The following CNTN1 variants were observed in gnomAD, a reference collection of about 807,000 sequenced individuals.
CNTN1 encodes contactin 1.
In CNTN1, 38 loss-of-function variants were observed where a neutral mutation model predicts 126.4. The ratio of observed to expected loss-of-function variants is 0.30; its 90% CI spans 0.23 to 0.39. The LOEUF is 0.39. Ranked by LOEUF, CNTN1 falls within the 10% of genes least tolerant of loss-of-function variation. CNTN1 has a pLI of 1.00. For missense variants in CNTN1, 1,009 were observed against 1,248.4 expected, an observed-to-expected ratio of 0.81 and a Z score of 2.89; for synonymous variants, 413 against 422.6, an observed-to-expected ratio of 0.98 and a Z score of 0.28.
Position 40,820,254 on chromosome 12 carries a change from G to A in CNTN1, c.-76-88103G>A, listed in dbSNP as rs138027874. On this transcript the variant is annotated intron_variant, in intron 1 of 23. Coordinates refer to ENST00000551295, the MANE Select transcript of CNTN1 (RefSeq NM_001843.4). ...GGGAACTAATTCACTCACCTCTGAT[G>A]GAGGGCATTACTCTATTCCTGAGGT... Among the ~76,000 whole-genome samples the A allele has an allele frequency of 2.6e-3, 396 of 152,264 alleles. 1 individual carries two copies. Among genetic ancestry groups the A allele is most frequent in the Middle Eastern group, 6.8e-3 (2 of 294 alleles).
intron 1 of CNTN1, among the ~76,000 whole-genome samples, chr12:40,694,654 T>C (rs1028863984): frequency 5.9e-5 from 9 of 152,222 alleles, no homozygotes; most frequent in Non-Finnish European, 1.3e-4. Context: ...TAATTCTGTG[T>C]TTTAAGAACA....
At chr12:40,712,039 C>A (rs1399374700) in intron 1 of CNTN1, among the ~76,000 whole-genome samples, 1 of 152,102 alleles carries the variant, frequency 6.6e-6, no homozygotes. Flanking sequence ...TTTAAACATT[C>A]ATCTATGCTT....
intron 1 of CNTN1, among the ~76,000 whole-genome samples, chr12:40,809,814 T>TCACA (rs3223354): frequency 0.037 from 5,481 of 146,776 alleles, 183 homozygotes; most frequent in African/African-American, 0.088. Flanking sequence ...AGACTCTGTC[T>TCACA]CACACACACA....
At chr12:41,063,268 C>T (rs565860560) in intron 23 of CNTN1, among the ~76,000 whole-genome samples, 32 of 152,288 alleles carry the variant, frequency 2.1e-4, no homozygotes, top group Admixed American at 1.9e-3. Flanking sequence ...TAGCTAAAAG[C>T]TGAGAAAGGC....
At chr12:40,706,799 G>T (rs1340804245) in intron 1 of CNTN1, among the ~76,000 whole-genome samples, 1 of 152,074 alleles carries the variant, frequency 6.6e-6, no homozygotes, top group Non-Finnish European at 1.5e-5. Flanking sequence ...TAAGGCACTG[G>T]CTGTTCTCAA....
At chr12:40,893,643 TTC>T (rs1204774621) in intron 1 of CNTN1, among the ~76,000 whole-genome samples, 1 of 152,122 alleles carries the variant, frequency 6.6e-6, no homozygotes, top group Non-Finnish European at 1.5e-5. Context: ...CTTATTTTGT[TTC>T]TTTTAGTTAG....
At chr12:40,861,480 G>T (rs184485469) in intron 1 of CNTN1, among the ~76,000 whole-genome samples, 3 of 151,994 alleles carry the variant, frequency 2.0e-5, no homozygotes, top group African/African-American at 7.2e-5. Flanking sequence ...AAGAAAATAA[G>T]TGTAAGTAAT....
rs573955059 is a variant in CNTN1, at chr12:40,815,464, G to A, written c.-76-92893G>A. ...GGCTGTCTGCTTGCCTATTGTAGGT[G>A]TAAAGGAATGCTTGTGATTTTTGCA... is the stretch of plus-strand genomic sequence containing the variant. On this transcript the variant is annotated intron_variant, in intron 1 of 23. Coordinates refer to ENST00000551295, the MANE Select transcript of CNTN1 (RefSeq NM_001843.4). Among the ~76,000 whole-genome samples the A allele has an allele frequency of 3.3e-5, 5 of 152,226 alleles. No individual in the cohort carries two copies. In the South Asian group the frequency reaches 8.3e-4, roughly 25 times the overall value.
intron 1 of CNTN1, among the ~76,000 whole-genome samples, chr12:40,703,752 G>T (rs1029415829): frequency 6.6e-6 from 1 of 151,024 alleles, no homozygotes; most frequent in Admixed American, 6.7e-5. Context: ...AAGAAGTGAC[G>T]TGAATAATAT....
chr12:40,762,668 T>C (rs145102685), intron 1 of CNTN1, among the ~76,000 whole-genome samples: 1 of 152,316 alleles, frequency 6.6e-6, no homozygotes, highest in Admixed American at 6.5e-5. Context: ...GTTTGAATCT[T>C]CACTCATGCA....
chr12:41,003,779 G>A (rs538917426), intron 17 of CNTN1, among the ~76,000 whole-genome samples: 11 of 152,098 alleles, frequency 7.2e-5, no homozygotes, highest in South Asian at 2.1e-4. Flanking sequence ...TTATATTTCC[G>A]TGGGGTAAGT....
intron 23 of CNTN1, chr12:41,061,987 C>T (rs973691420): frequency 4.3e-6 from 1 of 233,590 alleles, no homozygotes; most frequent in Non-Finnish European, 8.7e-6. Context: ...GCAAAATAAG[C>T]AAGCTGATAC....
chr12:40,744,994 A>T (rs1299250842), intron 1 of CNTN1, among the ~76,000 whole-genome samples: 1 of 151,958 alleles, frequency 6.6e-6, no homozygotes, highest in Non-Finnish European at 1.5e-5. Context: ...GCAATGTATA[A>T]TCTGCTTCAT....
At chr12:40,762,474 C>A (rs993302824) in intron 1 of CNTN1, among the ~76,000 whole-genome samples, 1 of 151,936 alleles carries the variant, frequency 6.6e-6, no homozygotes, top group African/African-American at 2.4e-5. Flanking sequence ...CAGAACTTAT[C>A]CAAAATAACA....
chr12:41,016,355 C>T (rs931369837), intron 18 of CNTN1, among the ~76,000 whole-genome samples: 23 of 152,042 alleles, frequency 1.5e-4, no homozygotes, highest in Non-Finnish European at 2.9e-4. Context: ...GAGAAAACGT[C>T]GAGGTGATTT....
intron 23 of CNTN1, among the ~76,000 whole-genome samples, chr12:41,068,712 A>C (rs1950101103): frequency 6.6e-6 from 1 of 152,232 alleles, no homozygotes; most frequent in African/African-American, 2.4e-5. Context: ...AGATAATAAT[A>C]ATTTATTTGG....
intron 15 of CNTN1, among the ~76,000 whole-genome samples, chr12:40,980,414 A>G (rs191190394): frequency 8.8e-5 from 13 of 147,114 alleles, no homozygotes; most frequent in African/African-American, 3.3e-4. Flanking sequence ...TCCCCACTGC[A>G]CTCCAGCCTG....
intron 1 of CNTN1, among the ~76,000 whole-genome samples, chr12:40,855,010 T>G (rs1261948976): frequency 6.6e-6 from 1 of 152,042 alleles, no homozygotes; most frequent in Non-Finnish European, 1.5e-5. Flanking sequence ...TAGATTGTAT[T>G]AAGAAGACAA....
At chr12:40,798,563 A>T (rs1258779268) in intron 1 of CNTN1, among the ~76,000 whole-genome samples, 1 of 152,018 alleles carries the variant, frequency 6.6e-6, no homozygotes, top group Non-Finnish European at 1.5e-5. Context: ...AGCCATTAAA[A>T]AAAGAACAAG....
Sources: allele counts gnomAD v4.1 joint callset (sites outside exome capture counted in the v4.1 genomes callset), GRCh38; gene constraint gnomAD v4.1.1; transcripts MANE v1.5; gene names NCBI Gene and HGNC (gene_info 2026-07-23, HGNC 2026-07-21).